Variants in GRIP1 observed in about 807,000 individuals in gnomAD.
GRIP1 encodes glutamate receptor-interacting protein 1.
GRIP1 carries 45 observed loss-of-function variants against 129.9 expected under a neutral mutation model. The observed-to-expected ratio is 0.35, with a 90% CI of 0.27 to 0.44. The LOEUF is 0.44. GRIP1 is among the 20% of genes least tolerant of loss of function. GRIP1 has a pLI of 1.00. For synonymous variants in GRIP1, 530 were observed against 520.8 expected (o/e 1.02, Z -0.24); for missense variants, 1,196 against 1,396.8 (o/e 0.86, Z 2.29).
intron 7 of GRIP1, among the ~76,000 whole-genome samples, chr12:66,510,302 C>T (rs991300803): frequency 6.6e-6 from 1 of 152,132 alleles, no homozygotes. Flanking sequence ...CTATAGGGCC[C>T]TCTACGCATT....
intron 2 of GRIP1, among the ~76,000 whole-genome samples, chr12:66,570,211 G>A (rs982923683): frequency 3.3e-5 from 5 of 152,062 alleles, no homozygotes; most frequent in African/African-American, 7.2e-5. Flanking sequence ...TTGAATTCCT[G>A]GGCTCAAGTG....
intron 1 of GRIP1, among the ~76,000 whole-genome samples, chr12:66,932,139 C>T (rs951657017): frequency 2.9e-5 from 3 of 102,448 alleles, no homozygotes; most frequent in Non-Finnish European, 7.6e-5. Flanking sequence ...TATAAAGGCT[C>T]CTGGCCACCA....
chr12:66,478,082 T>G (rs923845867), intron 7 of GRIP1, among the ~76,000 whole-genome samples: 9 of 152,080 alleles, frequency 5.9e-5, no homozygotes, highest in African/African-American at 1.9e-4. Context: ...ACCGTCAGAG[T>G]GAAAAGGCAA....
At chr12:66,979,236 A>AAAC (rs2042204169) in intron 1 of GRIP1, among the ~76,000 whole-genome samples, 1 of 142,568 alleles carries the variant, frequency 7.0e-6, no homozygotes, top group Non-Finnish European at 1.5e-5. Context: ...AAAAAAAAAA[A>AAAC]AAAAAAAAAA....
chr12:66,574,617 T>C (rs528968168), intron 2 of GRIP1, among the ~76,000 whole-genome samples: 1 of 152,220 alleles, frequency 6.6e-6, no homozygotes, highest in Non-Finnish European at 1.5e-5. Context: ...ATTCCTCTAT[T>C]GATAGATATT....
chr12:66,797,495 C>T (rs989230299), intron 1 of GRIP1, among the ~76,000 whole-genome samples: 4 of 152,014 alleles, frequency 2.6e-5, no homozygotes, highest in Non-Finnish European at 5.9e-5. Context: ...GCATACTGAC[C>T]CAGGTGATTC....
chr12:66,486,915 C>T (rs147787260), intron 7 of GRIP1, among the ~76,000 whole-genome samples: 49 of 152,136 alleles, frequency 3.2e-4, no homozygotes, highest in Non-Finnish European at 5.4e-4. Flanking sequence ...CTCAGCCTAC[C>T]GAGTAGCTGG....
At chr12:66,936,082 G>C (rs1302056833) in intron 1 of GRIP1, among the ~76,000 whole-genome samples, 2 of 152,226 alleles carry the variant, frequency 1.3e-5, no homozygotes, top group East Asian at 3.9e-4. Context: ...CTGGTAGGTA[G>C]GTGAACACAT....
At chr12:66,723,043 T>C (rs780273862) in intron 1 of GRIP1, among the ~76,000 whole-genome samples, 10 of 151,646 alleles carry the variant, frequency 6.6e-5, no homozygotes, top group Non-Finnish European at 1.0e-4. Flanking sequence ...CAGGCCTTTA[T>C]TCACCCTATA....
rs755458052 is a variant in GRIP1 at position 66,827,387 on chromosome 12, T to TGTGTGTGTGAGAGAGAGAGAGAGAGA, written c.59-230461_59-230460insTCTCTCTCTCTCTCTCTCACACACAC. Among the ~76,000 whole-genome samples, 8 of 108,286 alleles carry TGTGTGTGTGAGAGAGAGAGAGAGAGA rather than the reference T, an allele frequency of 7.4e-5. No individual in the cohort carries two copies. The East Asian group carries it at 1.1e-3, about 15-fold the overall frequency. The allele number at this position is 108,286 out of a possible 152,430, so 71.0% of individuals were successfully genotyped here. ...AGGTGTGTGTGTGTGTGTGTGTGTG[T>TGTGTGTGTGAGAGAGAGAGAGAGAGA]GAGAGAGAGAGAGAGAGAGAGAGAG... On this transcript the variant is annotated intron_variant, in intron 1 of 1. Coordinates refer to the GRIP1 transcript ENST00000643019.
chr12:66,541,300 G>A (rs903088), intron 3 of GRIP1, among the ~76,000 whole-genome samples: 105,963 of 152,158 alleles, frequency 0.7, 37,822 homozygotes, highest in African/African-American at 0.86. Context: ...CTGTCCTTTC[G>A]GAAACCAACT....
chr12:66,747,482 TC>T (rs1390720108), intron 1 of GRIP1, among the ~76,000 whole-genome samples: 4 of 152,112 alleles, frequency 2.6e-5, no homozygotes, highest in Admixed American at 2.0e-4. Context: ...AGCATTTCTT[TC>T]CGTGCCTTCT....
intron 2 of GRIP1, among the ~76,000 whole-genome samples, chr12:66,574,688 G>A (rs116488280): frequency 9.9e-4 from 151 of 151,998 alleles, no homozygotes; most frequent in African/African-American, 3.4e-3. Context: ...AGACTGACTT[G>A]CTATTATATT....
intron 1 of GRIP1, among the ~76,000 whole-genome samples, chr12:67,020,288 A>G (rs1450390293): frequency 6.6e-6 from 1 of 152,130 alleles, no homozygotes; most frequent in Non-Finnish European, 1.5e-5. Context: ...CATTTGCATC[A>G]TTTTTTAAGC....
chr12:66,864,183 A>T (rs1178420963), intron 1 of GRIP1, among the ~76,000 whole-genome samples: 2 of 151,902 alleles, frequency 1.3e-5, no homozygotes, highest in Non-Finnish European at 2.9e-5. Flanking sequence ...ATGATACTCA[A>T]TTTTTTTTCT....
chr12:66,414,087 G>T (rs1311687076), intron 15 of GRIP1, among the ~76,000 whole-genome samples: 2 of 152,202 alleles, frequency 1.3e-5, no homozygotes, highest in Admixed American at 1.3e-4. Context: ...TATATTGGAA[G>T]TTCTGACCAG....
In GRIP1 at chr12:66,387,402, A is replaced by G. The variant is rs75328235; in HGVS notation, c.2464+4906T>C. Among the ~76,000 whole-genome samples the G allele has an allele frequency of 2.7e-3, 418 of 152,354 alleles. 4 individuals carry two copies. The highest frequency in any genetic ancestry group is 8.7e-3 in the African/African-American group (361 of 41,582). On this transcript the variant is annotated intron_variant, in intron 19 of 24. Coordinates refer to ENST00000359742, the MANE Select transcript of GRIP1 (RefSeq NM_001366722.1). The stretch of plus-strand genomic sequence containing the variant: ...GGGGAAGAATTTACTCACACATACC[A>G]TGCTGGAACTGGGGTGTGTTTGGTA...
At chr12:66,493,439 C>T (rs2060156938) in intron 7 of GRIP1, among the ~76,000 whole-genome samples, 1 of 152,178 alleles carries the variant, frequency 6.6e-6, no homozygotes, top group African/African-American at 2.4e-5. Flanking sequence ...GTATTTTCAA[C>T]TGTGCAGTGA....
intron 1 of GRIP1, among the ~76,000 whole-genome samples, chr12:67,017,724 G>C (rs2042809002): frequency 6.6e-6 from 1 of 152,066 alleles, no homozygotes; most frequent in Non-Finnish European, 1.5e-5. Context: ...TTTTGCTCTT[G>C]GAAGAAGCAA....
Sources: allele counts gnomAD v4.1 joint callset (sites outside exome capture counted in the v4.1 genomes callset), GRCh38; gene constraint gnomAD v4.1.1; transcripts MANE v1.5; gene names NCBI Gene and HGNC (gene_info 2026-07-23, HGNC 2026-07-21).